Variants in FTCD observed in about 807,000 individuals in gnomAD.
FTCD encodes the protein formimidoyltransferase-cyclodeaminase.
FTCD carries 76 observed loss-of-function variants against 62.9 expected under a neutral mutation model. That is an observed-to-expected ratio of 1.21 (90% confidence interval 1.00 to 1.46). The LOEUF (loss-of-function observed/expected upper bound fraction) is 1.46, where lower values mean the gene tolerates loss of function less well. FTCD is among the 40% of genes most tolerant of loss of function. The pLI, the probability that FTCD is intolerant of heterozygous loss-of-function variation, is 0.00. For missense variants in FTCD, 845 were observed against 751.3 expected (o/e 1.12, Z -1.46); for synonymous variants, 397 against 336.9 (o/e 1.18, Z -1.95).
In FTCD at chr21:46,152,768, G is replaced by A. The variant is rs767335759; in HGVS notation, c.367+139C>T. 72 of 702,806 alleles carry A rather than the reference G, an allele frequency of 1.0e-4. 1 individual carries two copies. The highest frequency in any genetic ancestry group is 1.4e-4 in the Non-Finnish European group (61 of 438,854). 43.5% of individuals were successfully genotyped at this position (702,806 alleles called of 1,614,324 possible). ...TTTATTTCGGTATTGAGGGAGCTGC[G>A]CTTCTGCATGTTGGCTTTTTGGAAC... On this transcript the variant is annotated intron_variant, in intron 3 of 13. Transcript: ENST00000397746.
intron 5 of FTCD, 49 bp downstream of exon 5, chr21:46,151,509 T>C (rs1165188441): frequency 1.3e-6 from 2 of 1,543,016 alleles, no homozygotes; most frequent in Non-Finnish European, 8.9e-7. Flanking sequence ...CCTCTAACCC[T>C]TTCCCGAGGG....
rs144859208 is a variant in FTCD, at chr21:46,148,823, G to A, written c.906+1296C>T. Among the ~76,000 whole-genome samples the A allele has an allele frequency of 2.4e-3, 371 of 152,268 alleles. 1 individual carries two copies. The highest frequency in any genetic ancestry group is 8.4e-3 in the African/African-American group (351 of 41,540). On this transcript the variant is annotated intron_variant, in intron 7 of 13. Transcript: ENST00000397746. ...CTCTGTGTTACGTGAACTGGATCAC[G>A]GATTGGAGGAGAAATCGCTATGATG...
chr21:46,138,892 TC>T lies in FTCD; in HGVS notation c.1291del (p.Glu431ArgfsTer14), dbSNP rs775788856. 1.4e-5 allele frequency: 22 copies of T among 1,612,664 alleles called. No homozygotes were observed. The African/African-American group carries it at 2.5e-4, about 19-fold the overall frequency. On this transcript the variant is annotated frameshift_variant, in exon 11 of 14. Coordinates refer to ENST00000397746, the MANE Select transcript of FTCD (RefSeq NM_206965.2). LOFTEE classifies it high-confidence loss of function. ...EAMRLPKNTP[E>X]EKDRRTAALQ... is the part of the protein sequence containing the mutation. ...CCTCCAGGCTCACCTGTCCTTTTCC[TC>T]AGGTGTGTTCTTGGGGAGCCTCATT...
At chr21:46,152,357 A>G in intron 3 of FTCD, 1 of 238,934 alleles carries the variant, frequency 4.2e-6, no homozygotes, top group South Asian at 9.5e-5. Flanking sequence ...CCCGCACACC[A>G]GTGTGACTGT....
In FTCD at chr21:46,153,039, CAG is replaced by C; in HGVS notation, c.239-6_239-5del. On this transcript the variant is annotated splice_polypyrimidine_tract_variant and splice_region_variant and intron_variant, in intron 2 of 13. Transcript: ENST00000397746. ...GCCCCCATGCGGGGGTGCTCTCCTG[CAG>C]AGAGACGGCGAGGCCGGGCAGGAGG... 2 of 1,547,392 alleles carry C rather than the reference CAG, an allele frequency of 1.3e-6. No individual in the cohort carries two copies. Among genetic ancestry groups the C allele is most frequent in the East Asian group, 4.9e-5 (2 of 40,898 alleles).
chr21:46,143,202 C>A (rs1361560990), intron 10 of FTCD, among the ~76,000 whole-genome samples: 2 of 152,314 alleles, frequency 1.3e-5, no homozygotes, highest in Middle Eastern at 6.8e-3. Context: ...GACTTCCCAA[C>A]TTAGGGCTGG....
At chr21:46,144,216 C>T (rs2079075662) in intron 10 of FTCD, among the ~76,000 whole-genome samples, 1 of 151,646 alleles carries the variant, frequency 6.6e-6, no homozygotes, top group African/African-American at 2.4e-5. Context: ...CATTCAGGGC[C>T]ACTACCGGTC....
rs150507317 is a variant in FTCD, at chr21:46,138,372, C to G, written c.1443+136G>C. 1,761 of 805,788 alleles carry G rather than the reference C, an allele frequency of 2.2e-3. 22 individuals are homozygous for G. The African/African-American group carries it at 0.026, about 12-fold the overall frequency. 49.9% of individuals were successfully genotyped at this position (805,788 alleles called of 1,614,324 possible). ...CCGGCCCTGTTGGAGGAGGCCAAAG[C>G]CCCGGGAACTGCCCGTGAAGTGAGG... is the stretch of plus-strand genomic sequence containing the variant. On this transcript the variant is annotated intron_variant, in intron 12 of 13. Transcript: ENST00000397746.
chr21:46,151,634 A>G lies in FTCD; in HGVS notation c.560T>C (p.Ile187Thr), dbSNP rs774589041. The change falls in exon 5 of 14, where the codon ATC (isoleucine) becomes ACC (threonine). Residue 187 changes from isoleucine (I) to threonine (T), a missense_variant. By Grantham distance (89) the Ile-to-Thr change is moderately conservative. Coordinates refer to ENST00000397746, the MANE Select transcript of FTCD (RefSeq NM_206965.2). ...TTGCTCCTTTGTGCCGAGCAGGTTG[A>G]TGTTAAAAGCAATGAGGAACTTCCT... Reference protein sequence around the residue: ...GARKFLIAFNINLLGTKEQAH... With the variant: ...GARKFLIAFNTNLLGTKEQAH... 6.2e-7 allele frequency: 1 copy of G among 1,613,102 alleles called. No individual in the cohort carries two copies. The highest frequency in any genetic ancestry group is 2.2e-5 in the East Asian group (1 of 44,878).
At position 46,150,106 on chromosome 21, in the gene FTCD, C is replaced by G; in HGVS notation, c.906+13G>C. The stretch of plus-strand genomic sequence containing the variant: ...ACGCCCCTGTCCGACCCTTCCTCGG[C>G]AGCCCGGCCCACCAGCCTGATCCGC... On this transcript the variant is annotated intron_variant, in intron 7 of 13. Coordinates refer to ENST00000397746, the MANE Select transcript of FTCD (RefSeq NM_206965.2). 6.2e-7 allele frequency: 1 copy of G among 1,606,570 alleles called. No individual in the cohort carries two copies. Among genetic ancestry groups the G allele is most frequent in the Non-Finnish European group, 8.5e-7 (1 of 1,177,704 alleles).
intron 5 of FTCD, 47 bp from the exon 6 acceptor site, chr21:46,150,572 G>A (rs1191977296): frequency 3.1e-6 from 5 of 1,599,614 alleles, no homozygotes; most frequent in Non-Finnish European, 4.3e-6. Context: ...AGCTCATCCT[G>A]CCTGGCCCTG....
In FTCD at chr21:46,154,249, G is replaced by A. The variant is rs143498507; in HGVS notation, c.138C>T (p.Arg46=). 2.2e-4 allele frequency: 357 copies of A among 1,612,766 alleles called. 1 individual carries two copies. The highest frequency in any genetic ancestry group is 4.2e-4 in the Admixed American group (25 of 60,026). ...GCGGCCCCACGAAGGTGTACACGGTGCGGTTGGTGGAAGGGCCTGCGTCCA... is the reference window on the plus strand; with the variant it reads ...GCGGCCCCACGAAGGTGTACACGGTACGGTTGGTGGAAGGGCCTGCGTCCA... The part of the protein sequence containing the change: ...LDVDAGPSTN[R]TVYTFVGPPE... The change falls in exon 2 of 14, where the codon CGC becomes CGT. Residue 46 remains arginine, a synonymous_variant. Transcript: ENST00000397746.
chr21:46,152,742 G>C (rs1053203725), intron 3 of FTCD, 165 bp downstream of exon 3: 1 of 614,184 alleles, frequency 1.6e-6, no homozygotes, highest in South Asian at 2.4e-5. Flanking sequence ...GCGAGGCTGC[G>C]TTTATTTCGG....
intron 10 of FTCD, among the ~76,000 whole-genome samples, chr21:46,139,262 T>C (rs924853133): frequency 3.3e-5 from 5 of 152,144 alleles, no homozygotes; most frequent in East Asian, 1.9e-4. Context: ...TCTGGGCCTG[T>C]GTCTCCAACA....
intron 1 of FTCD, among the ~76,000 whole-genome samples, chr21:46,154,700 A>G (rs2079389394): frequency 6.6e-6 from 1 of 152,186 alleles, no homozygotes; most frequent in Non-Finnish European, 1.5e-5. Context: ...CGAGCAGGGG[A>G]GGGACAGATC....
At chr21:46,155,398 C>T in intron 1 of FTCD, 72 bp downstream of exon 1, 1 of 1,285,858 alleles carries the variant, frequency 7.8e-7, no homozygotes, top group Non-Finnish European at 1.1e-6. Context: ...ACCACCTCCT[C>T]CATGGCCTGG....
rs1226387387 is a variant in FTCD at position 46,153,040 on chromosome 21, A to T, written c.239-5T>A. 1 of 1,547,208 alleles carries T rather than the reference A, an allele frequency of 6.5e-7. No homozygotes were observed. Among genetic ancestry groups the T allele is most frequent in the Non-Finnish European group, 8.7e-7 (1 of 1,146,320 alleles). ...CCCCCATGCGGGGGTGCTCTCCTGCAGAGAGACGGCGAGGCCGGGCAGGAG... is the reference window on the plus strand; with the variant it reads ...CCCCCATGCGGGGGTGCTCTCCTGCTGAGAGACGGCGAGGCCGGGCAGGAG... On this transcript the variant is annotated splice_region_variant and splice_polypyrimidine_tract_variant and intron_variant, in intron 2 of 13. Coordinates refer to ENST00000397746, the MANE Select transcript of FTCD (RefSeq NM_206965.2).
In FTCD at chr21:46,145,479, C is replaced by T. The variant is rs553282500; in HGVS notation, c.1198G>A (p.Glu400Lys). The T allele has an allele frequency of 1.5e-4, 239 of 1,557,738 alleles. 3 individuals carry two copies. In the South Asian group the frequency reaches 2.5e-3, roughly 16 times the overall value. ...AGCGTGGTTAGCTTGGCCGAAGCCT[C>T]GCGGAAGGGCGGGATCAGGCGCCGC... ...TMRRLIPPFR[E>K]ASAKLTTLVD... Residue 400 changes from glutamate (E) to lysine (K), a missense_variant, in exon 10 of 14, where the codon GAG (glutamate) becomes AAG (lysine). Transcript: ENST00000397746.
At chr21:46,154,837 C>T (rs1003391594) in intron 1 of FTCD, among the ~76,000 whole-genome samples, 1 of 152,230 alleles carries the variant, frequency 6.6e-6, no homozygotes, top group East Asian at 1.9e-4. Context: ...CCCGGCATGA[C>T]GAGGCCTCCC....
Sources: gnomAD v4.1 joint callset for allele counts (sites outside exome capture counted in the v4.1 genomes callset) on GRCh38, gnomAD v4.1.1 for gene constraint, MANE v1.5 for transcripts, NCBI Gene and HGNC (gene_info 2026-07-23, HGNC 2026-07-21) for gene names.